POC1B: variants seen among roughly 807,000 people sequenced by gnomAD.
The protein encoded by POC1B is POC1 centriolar protein B.
POC1B carries 44 observed loss-of-function variants against 60.6 expected under a neutral mutation model. That is an observed-to-expected ratio of 0.73 (90% confidence interval 0.57 to 0.93). The LOEUF is 0.93. Ranked by LOEUF, POC1B falls within the 40% of genes least tolerant of loss-of-function variation. The probability of loss-of-function intolerance (pLI) is 0.00; values close to 1 mark genes in which losing one functional copy is unlikely to be tolerated. For missense variants in POC1B, 555 were observed against 572.3 expected, an observed-to-expected ratio of 0.97 and a Z score of 0.31; for synonymous variants, 180 against 198.9, an observed-to-expected ratio of 0.90 and a Z score of 0.80.
chr12:89,412,499 T>C, the POC1B span, among the ~76,000 whole-genome samples: 6 of 151,636 alleles, frequency 4.0e-5, no homozygotes, highest in Non-Finnish European at 7.4e-5. Context: ...GCCAACATGA[T>C]AAAACCTCGT....
intron 10 of POC1B, among the ~76,000 whole-genome samples, chr12:89,441,611 T>C (rs1310081443): frequency 6.6e-6 from 1 of 152,194 alleles, no homozygotes; most frequent in Non-Finnish European, 1.5e-5. Context: ...AAACCCCATG[T>C]GTACGTCACC....
At chr12:89,453,216 A>G (rs546826900) in intron 10 of POC1B, among the ~76,000 whole-genome samples, 1 of 152,326 alleles carries the variant, frequency 6.6e-6, no homozygotes, top group Admixed American at 6.5e-5. Context: ...CAAACCTTAT[A>G]AAAATTCCTC....
intron 2 of POC1B, chr12:89,500,049 G>A (rs1358305873): frequency 1.2e-5 from 15 of 1,221,146 alleles, no homozygotes; most frequent in Admixed American, 2.0e-5. Flanking sequence ...GGTCTGTGTG[G>A]GCTTCCACCT....
chr12:89,447,868 A>G (rs543296350), intron 10 of POC1B, among the ~76,000 whole-genome samples: 1 of 152,244 alleles, frequency 6.6e-6, no homozygotes, highest in African/African-American at 2.4e-5. Flanking sequence ...TTAATACTGT[A>G]ACACATACAG....
intron 4 of POC1B, among the ~76,000 whole-genome samples, chr12:89,473,321 G>T (rs181906941): frequency 1.3e-5 from 2 of 152,278 alleles, no homozygotes; most frequent in Admixed American, 6.5e-5. Flanking sequence ...TGCATCTGGC[G>T]TTCACAGATT....
the POC1B span, among the ~76,000 whole-genome samples, chr12:89,411,447 T>C: frequency 3.9e-5 from 6 of 152,218 alleles, no homozygotes; most frequent in African/African-American, 1.4e-4. Flanking sequence ...GGGAATGGGC[T>C]GAGCTTTGAT....
chr12:89,525,087 T>C lies in POC1B; in HGVS notation c.100+33A>G, dbSNP rs990975079. On this transcript the variant is annotated intron_variant, in intron 2 of 11. Transcript: ENST00000313546. ...GGTTTCCGGCCCATGGAGTTTAGTC[T>C]CATTACAAAAGCAAAACAAGAATAA... 3.1e-6 allele frequency: 5 copies of C among 1,613,550 alleles called. No individual in the cohort carries two copies. The African/African-American group carries it at 6.7e-5, about 22-fold the overall frequency.
chr12:89,496,607 G>T (rs763846232), intron 3 of POC1B, among the ~76,000 whole-genome samples: 5 of 152,142 alleles, frequency 3.3e-5, no homozygotes, highest in Admixed American at 6.5e-5. Context: ...ACTTAAAATA[G>T]ATGGGCTATT....
chr12:89,446,299 G>A (rs890268156), intron 10 of POC1B, among the ~76,000 whole-genome samples: 8 of 152,218 alleles, frequency 5.3e-5, no homozygotes, highest in African/African-American at 1.4e-4. Flanking sequence ...AAAGACACAT[G>A]CACACATATG....
In POC1B at chr12:89,502,127, A is replaced by G. The variant is rs373029618; in HGVS notation, c.101-4785T>C. The G allele has an allele frequency of 2.1e-4, 246 of 1,182,856 alleles. 1 individual carries two copies. In the African/African-American group the frequency reaches 3.3e-3, roughly 16 times the overall value. The allele number at this position is 1,182,856 out of a possible 1,614,324, so 73.3% of individuals were successfully genotyped here. A position where few individuals can be genotyped will look rare whatever the true frequency, so the allele number is the denominator to read the frequency against. On this transcript the variant is annotated intron_variant, in intron 2 of 11. Coordinates refer to ENST00000313546, the MANE Select transcript of POC1B (RefSeq NM_172240.3). ...ACAGAGTCAAACTTGGATTCTGGAG[A>G]GCATAAGACTTCAGTTTTAGAGGAA...
chr12:89,493,222 T>C (rs775804710), intron 3 of POC1B, among the ~76,000 whole-genome samples: 3 of 152,202 alleles, frequency 2.0e-5, no homozygotes, highest in Non-Finnish European at 4.4e-5. Context: ...TGGCTCCCTA[T>C]TTGCTACAAC....
intron 1 of POC1B, 33 bp downstream of exon 1, chr12:89,525,844 CAGGG>C: frequency 3.5e-6 from 5 of 1,411,176 alleles, no homozygotes; most frequent in Non-Finnish European, 4.6e-6. Context: ...GGACAGGCTC[CAGGG>C]AGGGACCCCC....
downstream of POC1B, among the ~76,000 whole-genome samples, chr12:89,418,669 C>G (rs1174272427): frequency 6.6e-6 from 1 of 152,084 alleles, no homozygotes; most frequent in Non-Finnish European, 1.5e-5. Context: ...GTCTTAGTCC[C>G]TGTGAGAACT....
intron 10 of POC1B, among the ~76,000 whole-genome samples, chr12:89,453,086 A>G (rs1418198511): frequency 2.0e-5 from 3 of 152,202 alleles, no homozygotes; most frequent in Admixed American, 6.5e-5. Context: ...GAGATCTTTG[A>G]AAATGTTGTG....
chr12:89,448,066 G>T (rs1469778441), intron 10 of POC1B, among the ~76,000 whole-genome samples: 1 of 152,092 alleles, frequency 6.6e-6, no homozygotes, highest in Non-Finnish European at 1.5e-5. Context: ...ACGGACTTGG[G>T]CTTTCTTTTG....
intron 11 of POC1B, 85 bp from the exon 12 acceptor site, chr12:89,421,342 T>G: frequency 8.6e-7 from 1 of 1,160,720 alleles, no homozygotes; most frequent in East Asian, 2.6e-5. Flanking sequence ...GAAATCCTTT[T>G]AAGAACTGGG....
intron 10 of POC1B, among the ~76,000 whole-genome samples, chr12:89,429,941 T>C (rs1027032877): frequency 1.3e-5 from 2 of 152,190 alleles, no homozygotes; most frequent in South Asian, 2.1e-4. Context: ...GGACCTCCTA[T>C]GGTAGGCATT....
At chr12:89,521,008 C>G (rs930654380) in intron 2 of POC1B, 2 of 150,510 alleles carry the variant, frequency 1.3e-5, no homozygotes, top group Admixed American at 1.3e-4. Flanking sequence ...AAAATTGGTT[C>G]AACAATTATC....
intron 6 of POC1B, 82 bp downstream of exon 6, chr12:89,471,532 C>T: frequency 1.7e-6 from 2 of 1,163,548 alleles, no homozygotes; most frequent in South Asian, 1.3e-5. Context: ...AGTAAGACAG[C>T]CAAACCACAC....
Sources: allele counts gnomAD v4.1 joint callset (sites outside exome capture counted in the v4.1 genomes callset), GRCh38; gene constraint gnomAD v4.1.1; transcripts MANE v1.5; gene names NCBI Gene and HGNC (gene_info 2026-07-23, HGNC 2026-07-21).